Variants in LSAMP observed in about 807,000 individuals in gnomAD.
LSAMP encodes limbic system-associated membrane protein.
A neutral mutation model predicts 38.6 loss-of-function variants in LSAMP; 7 were observed. That is an observed-to-expected ratio of 0.18 (90% CI 0.10 to 0.34). The LOEUF (loss-of-function observed/expected upper bound fraction) is 0.34. LSAMP is among the 10% of genes least tolerant of loss of function. The pLI, the probability that LSAMP is intolerant of heterozygous loss-of-function variation, is 1.00. For missense variants in LSAMP, 313 were observed against 420.0 expected (o/e 0.75, Z 2.23); for synonymous variants, 154 against 166.8 (o/e 0.92, Z 0.59).
At chr3:116,233,388 G>C (rs2046426417) in intron 1 of LSAMP, among the ~76,000 whole-genome samples, 1 of 142,076 alleles carries the variant, frequency 7.0e-6, no homozygotes, top group Admixed American at 7.2e-5. Context: ...ACTCCAGCCT[G>C]GGCGACAGAG....
At chr3:115,926,484 C>T (rs1338735002) in intron 3 of LSAMP, among the ~76,000 whole-genome samples, 1 of 152,136 alleles carries the variant, frequency 6.6e-6, no homozygotes, top group African/African-American at 2.4e-5. Flanking sequence ...AAATTTTTGC[C>T]GTGTTCACAG....
chr3:116,378,956 A>ATCTGT (rs1388153702), intron 1 of LSAMP, among the ~76,000 whole-genome samples: 13 of 149,500 alleles, frequency 8.7e-5, no homozygotes. Flanking sequence ...TTTATGCTTG[A>ATCTGT]TCTGTTCTTT....
In LSAMP at chr3:116,288,027, TA is replaced by T. The variant is rs1313793496; in HGVS notation, c.155+156849del. On this transcript the variant is annotated intron_variant, in intron 1 of 6. Coordinates refer to ENST00000490035, the MANE Select transcript of LSAMP (RefSeq NM_002338.5). ...TCTATAGAAGGGAGGCAAAAAGATT[TA>T]AAAAAAAGTAAGATACTATGACCAT... is the stretch of plus-strand genomic sequence containing the variant. Among the ~76,000 whole-genome samples the T allele has an allele frequency of 5.3e-5, 8 of 152,066 alleles. No homozygotes were observed. The East Asian group carries it at 1.4e-3, about 26-fold the overall frequency.
chr3:116,400,910 T>C (rs2048832394), intron 1 of LSAMP, among the ~76,000 whole-genome samples: 3 of 152,186 alleles, frequency 2.0e-5, no homozygotes, highest in Non-Finnish European at 2.9e-5. Context: ...GTACTGCTAT[T>C]GTGACCTGTG....
At chr3:116,411,585 A>G (rs34416882) in intron 1 of LSAMP, among the ~76,000 whole-genome samples, 2 of 134,678 alleles carry the variant, frequency 1.5e-5, no homozygotes, top group African/African-American at 2.8e-5. Context: ...ATGAGAACAC[A>G]CAGACACAGG....
intron 3 of LSAMP, among the ~76,000 whole-genome samples, chr3:115,974,711 C>T (rs1344100152): frequency 6.6e-6 from 1 of 152,158 alleles, no homozygotes; most frequent in Admixed American, 6.5e-5. Flanking sequence ...GAAAAAATGA[C>T]TAATCTCATC....
intron 1 of LSAMP, among the ~76,000 whole-genome samples, chr3:116,154,144 T>A (rs1709686554): frequency 6.6e-6 from 1 of 152,118 alleles, no homozygotes; most frequent in South Asian, 2.1e-4. Context: ...TATATATTTT[T>A]AGACAATAAA....
At chr3:116,396,305 C>T (rs747674618) in intron 1 of LSAMP, among the ~76,000 whole-genome samples, 2 of 152,116 alleles carry the variant, frequency 1.3e-5, no homozygotes, top group Non-Finnish European at 2.9e-5. Context: ...GAGGAAAGAG[C>T]GTATCTATGT....
intron 1 of LSAMP, among the ~76,000 whole-genome samples, chr3:116,173,279 C>A (rs1710248763): frequency 6.6e-6 from 1 of 151,950 alleles, no homozygotes; most frequent in South Asian, 2.1e-4. Flanking sequence ...ACAAAGCAGA[C>A]CTCTATTTGG....
At position 116,114,847 on chromosome 3, in the gene LSAMP, A is replaced by G. The variant is rs545441865; in HGVS notation, c.156-28291T>C. Among the ~76,000 whole-genome samples, 12 of 152,312 alleles carry G rather than the reference A, an allele frequency of 7.9e-5. No homozygotes were observed. In the East Asian group the frequency reaches 2.1e-3, roughly 27 times the overall value. On this transcript the variant is annotated intron_variant, in intron 1 of 6. Coordinates refer to ENST00000490035, the MANE Select transcript of LSAMP (RefSeq NM_002338.5). ...TTCACATTCCTTATCTATTTAGTTC[A>G]GCTATTATGTCAGTGGGATGCAAAG...
chr3:116,231,106 C>T (rs1404842794), intron 1 of LSAMP, among the ~76,000 whole-genome samples: 1 of 152,118 alleles, frequency 6.6e-6, no homozygotes, highest in Non-Finnish European at 1.5e-5. Flanking sequence ...ACATGAACGC[C>T]CATGTTTGTT....
intron 1 of LSAMP, among the ~76,000 whole-genome samples, chr3:116,191,016 G>T (rs557521347): frequency 7.6e-4 from 115 of 152,254 alleles, no homozygotes; most frequent in African/African-American, 2.6e-3. Context: ...TAAAACATTG[G>T]TTGTCACACT....
chr3:116,249,690 C>T (rs931994646), intron 1 of LSAMP, among the ~76,000 whole-genome samples: 1 of 151,354 alleles, frequency 6.6e-6, no homozygotes, highest in Non-Finnish European at 1.5e-5. Context: ...AGCCAGAAGA[C>T]TCTTTAATAC....
At chr3:116,109,695 G>A (rs917052800) in intron 1 of LSAMP, among the ~76,000 whole-genome samples, 1 of 152,130 alleles carries the variant, frequency 6.6e-6, no homozygotes, top group Admixed American at 6.6e-5. Flanking sequence ...TGGGTTTTAG[G>A]TCAGGTGTGA....
chr3:116,060,194 C>A, intron 2 of LSAMP, among the ~76,000 whole-genome samples: 1 of 118,752 alleles, frequency 8.4e-6, no homozygotes, highest in African/African-American at 4.5e-5. Flanking sequence ...TTTAAAGCAA[C>A]ATAGTTTTTT....
chr3:115,839,123 GCA>G (rs1267176303), intron 6 of LSAMP, among the ~76,000 whole-genome samples: 1 of 152,118 alleles, frequency 6.6e-6, no homozygotes, highest in Non-Finnish European at 1.5e-5. Flanking sequence ...GCTGACACTT[GCA>G]CAGTGTCTTC....
chr3:115,912,821 A>T (rs1031290923), intron 3 of LSAMP, among the ~76,000 whole-genome samples: 2 of 152,058 alleles, frequency 1.3e-5, no homozygotes, highest in African/African-American at 4.8e-5. Context: ...TGGCATTTTC[A>T]GATTGCTGGC....
At chr3:116,066,773 C>A (rs1000441225) in intron 2 of LSAMP, among the ~76,000 whole-genome samples, 23 of 152,202 alleles carry the variant, frequency 1.5e-4, no homozygotes, top group African/African-American at 5.3e-4. Context: ...CCTAATAGAT[C>A]TCTTCCTGTT....
chr3:116,146,810 T>G (rs1403458094), intron 1 of LSAMP, among the ~76,000 whole-genome samples: 1 of 151,876 alleles, frequency 6.6e-6, no homozygotes, highest in Non-Finnish European at 1.5e-5. Context: ...TTGGTAAAAG[T>G]TGTAGGCAGA....
Sources: allele counts gnomAD v4.1 joint callset (sites outside exome capture counted in the v4.1 genomes callset), GRCh38; gene constraint gnomAD v4.1.1; transcripts MANE v1.5; gene names NCBI Gene and HGNC (gene_info 2026-07-23, HGNC 2026-07-21).